The following HPSE2 variants were observed in gnomAD, a reference collection of about 807,000 sequenced individuals.
HPSE2 encodes the protein heparanase 2 (inactive).
A neutral mutation model predicts 60.5 loss-of-function variants in HPSE2; 38 were observed. The ratio of observed to expected loss-of-function variants is 0.63; its 90% CI spans 0.48 to 0.82. The LOEUF (loss-of-function observed/expected upper bound fraction) is 0.82. HPSE2 is among the 40% of genes least tolerant of loss of function. The probability of loss-of-function intolerance (pLI) is 0.00; values close to 1 mark genes in which losing one functional copy is unlikely to be tolerated. For missense variants in HPSE2, 713 were observed against 740.4 expected (o/e 0.96, Z 0.43); for synonymous variants, 295 against 293.2 (o/e 1.01, Z -0.06).
At chr10:99,266,703 T>C in the HPSE2 span, among the ~76,000 whole-genome samples, 1 of 151,552 alleles carries the variant, frequency 6.6e-6, no homozygotes, top group South Asian at 2.1e-4. Flanking sequence ...ACAAAACGAG[T>C]ACAATAAACA....
chr10:99,257,007 C>T, the HPSE2 span, among the ~76,000 whole-genome samples: 31 of 152,256 alleles, frequency 2.0e-4, no homozygotes, highest in East Asian at 4.2e-3. Context: ...TAATTTCTTA[C>T]GCCTGTCTTT....
In HPSE2 at chr10:98,814,252, T is replaced by C. The variant is rs1425131238; in HGVS notation, c.611-70196A>G. Among the ~76,000 whole-genome samples, 7 of 139,248 alleles carry C rather than the reference T, an allele frequency of 5.0e-5. No individual in the cohort carries two copies. The East Asian group carries it at 1.3e-3, about 27-fold the overall frequency. The allele number at this position is 139,248 out of a possible 152,430, so 91.4% of individuals were successfully genotyped here. On this transcript the variant is annotated intron_variant, in intron 3 of 11. Transcript: ENST00000370552. ...TTTAAAATATTTTATTTTCCAGTTA[T>C]TTGTGACTAATATATTGAAATATAA...
At chr10:98,547,471 A>T (rs1400069902) in intron 9 of HPSE2, among the ~76,000 whole-genome samples, 3 of 150,246 alleles carry the variant, frequency 2.0e-5, no homozygotes, top group Non-Finnish European at 4.4e-5. Flanking sequence ...AATACTATGC[A>T]GCCATAAAAA....
intron 3 of HPSE2, among the ~76,000 whole-genome samples, chr10:98,792,396 G>C (rs575648097): frequency 6.6e-6 from 1 of 152,144 alleles, no homozygotes; most frequent in Admixed American, 6.5e-5. Context: ...CCCAAATATA[G>C]AGAAAAAGGT....
chr10:98,891,927 CA>C (rs1162177968), intron 3 of HPSE2, among the ~76,000 whole-genome samples: 1 of 151,914 alleles, frequency 6.6e-6, no homozygotes, highest in African/African-American at 2.4e-5. Context: ...TGTGCCACCA[CA>C]ACTGGCTAAC....
chr10:98,733,072 T>C (rs1949267647), intron 4 of HPSE2, among the ~76,000 whole-genome samples: 2 of 152,168 alleles, frequency 1.3e-5, no homozygotes, highest in South Asian at 4.1e-4. Context: ...ATTTAATATC[T>C]ATCTCTTCTA....
At chr10:98,540,837 G>C (rs1023891233) in intron 9 of HPSE2, among the ~76,000 whole-genome samples, 3 of 152,112 alleles carry the variant, frequency 2.0e-5, no homozygotes, top group Non-Finnish European at 4.4e-5. Context: ...CATCTACCAT[G>C]ATATAATTGG....
intron 9 of HPSE2, among the ~76,000 whole-genome samples, chr10:98,608,710 A>G (rs987662274): frequency 6.6e-6 from 1 of 152,208 alleles, no homozygotes; most frequent in Admixed American, 6.5e-5. Context: ...AAGGCTGCAC[A>G]TGGTGAAATC....
At chr10:98,690,638 C>T (rs1948054465) in intron 6 of HPSE2, among the ~76,000 whole-genome samples, 1 of 151,904 alleles carries the variant, frequency 6.6e-6, no homozygotes, top group Non-Finnish European at 1.5e-5. Flanking sequence ...AGGTTGAATA[C>T]TTTCCTTTGG....
chr10:98,631,549 A>T (rs932876387), intron 7 of HPSE2, among the ~76,000 whole-genome samples: 5 of 152,198 alleles, frequency 3.3e-5, no homozygotes, highest in Admixed American at 1.3e-4. Context: ...CTTGCTTAGG[A>T]CAAACCCTAT....
intron 2 of HPSE2, among the ~76,000 whole-genome samples, chr10:99,231,000 C>T (rs779011404): frequency 1.3e-5 from 2 of 152,182 alleles, no homozygotes; most frequent in Non-Finnish European, 2.9e-5. Context: ...AGTCTACTTG[C>T]AATCCATACT....
rs141147562 is a variant in HPSE2 at position 98,708,723 on chromosome 10, G to A, written c.956+12934C>T. ...GGAAAAAATCAAATTTGCAAACAAT[G>A]TCAAACAAAATATGCATTTCCAAAT... On this transcript the variant is annotated intron_variant, in intron 5 of 11. Transcript: ENST00000370552. Among the ~76,000 whole-genome samples, 170 of 152,212 alleles carry A rather than the reference G, an allele frequency of 1.1e-3. 1 individual carries two copies. The highest frequency in any genetic ancestry group is 3.9e-3 in the African/African-American group (164 of 41,530).
intron 3 of HPSE2, among the ~76,000 whole-genome samples, chr10:99,072,697 G>A (rs904939348): frequency 1.3e-4 from 20 of 152,094 alleles, no homozygotes; most frequent in Admixed American, 2.6e-4. Context: ...AGGCCAAGGC[G>A]GGTGGATAAC....
At chr10:99,187,786 T>C (rs1848082045) in intron 2 of HPSE2, among the ~76,000 whole-genome samples, 1 of 152,192 alleles carries the variant, frequency 6.6e-6, no homozygotes, top group Admixed American at 6.5e-5. Context: ...ACATTGCTGG[T>C]GGGAATGCAA....
chr10:99,168,121 C>T (rs1194515242), intron 2 of HPSE2, among the ~76,000 whole-genome samples: 1 of 127,848 alleles, frequency 7.8e-6, no homozygotes, highest in Non-Finnish European at 1.8e-5. Context: ...CACACACACA[C>T]ACACACGGCT....
At chr10:98,755,826 T>A (rs1016984935) in intron 3 of HPSE2, among the ~76,000 whole-genome samples, 2 of 151,886 alleles carry the variant, frequency 1.3e-5, no homozygotes, top group Non-Finnish European at 2.9e-5. Context: ...TGAAACCCCA[T>A]CTCTATGAAA....
At chr10:98,720,014 T>TA (rs1948885005) in intron 5 of HPSE2, among the ~76,000 whole-genome samples, 1 of 151,436 alleles carries the variant, frequency 6.6e-6, no homozygotes, top group Admixed American at 6.6e-5. Flanking sequence ...AAAACAACAA[T>TA]AAAAAATAAC....
intron 3 of HPSE2, among the ~76,000 whole-genome samples, chr10:99,045,019 T>C (rs73341464): frequency 0.015 from 2,208 of 152,214 alleles, 48 homozygotes; most frequent in African/African-American, 0.049. Context: ...TTAGACCTAA[T>C]AGACATCTAC....
intron 3 of HPSE2, among the ~76,000 whole-genome samples, chr10:98,943,923 T>C (rs1232827100): frequency 6.6e-6 from 1 of 152,192 alleles, no homozygotes; most frequent in African/African-American, 2.4e-5. Context: ...TTTTTCCCCA[T>C]AGAAACTGAG....
Sources: gnomAD v4.1 joint callset for allele counts (sites outside exome capture counted in the v4.1 genomes callset) on GRCh38, gnomAD v4.1.1 for gene constraint, MANE v1.5 for transcripts, NCBI Gene and HGNC (gene_info 2026-07-23, HGNC 2026-07-21) for gene names.